Variants in NECAB2 observed in about 807,000 individuals in gnomAD.
NECAB2 encodes N-terminal EF-hand calcium binding protein 2, also known as N-terminal EF-hand calcium-binding protein 2.
In NECAB2, 68 loss-of-function variants were observed where a neutral mutation model predicts 51.9. That is an observed-to-expected ratio of 1.31 (90% CI 1.08 to 1.60). The LOEUF (loss-of-function observed/expected upper bound fraction) is 1.60. NECAB2 is among the 40% of genes most tolerant of loss of function. The pLI, the probability that NECAB2 is intolerant of heterozygous loss-of-function variation, is 0.00. For missense variants in NECAB2, 854 were observed against 490.3 expected (o/e 1.74, Z -7.00); for synonymous variants, 329 against 203.5 (o/e 1.62, Z -5.25).
intron 2 of NECAB2, among the ~76,000 whole-genome samples, chr16:83,977,579 C>G (rs984992323): frequency 3.9e-5 from 6 of 152,052 alleles, no homozygotes; most frequent in African/African-American, 1.4e-4. Flanking sequence ...CTCCACAGAG[C>G]CCCTCCACAG....
chr16:83,970,807 G>C (rs1409237444), intron 1 of NECAB2, among the ~76,000 whole-genome samples: 1 of 152,182 alleles, frequency 6.6e-6, no homozygotes, highest in Non-Finnish European at 1.5e-5. Context: ...TTAAAGTGCT[G>C]GTGGGCAGGG....
intron 9 of NECAB2, among the ~76,000 whole-genome samples, chr16:83,997,601 C>T (rs1040170769): frequency 6.7e-6 from 1 of 149,436 alleles, no homozygotes; most frequent in Non-Finnish European, 1.5e-5. Context: ...AATTCTCCTG[C>T]CTCAGCCTCC....
At chr16:83,995,435 G>A (rs1053005323) in intron 8 of NECAB2, among the ~76,000 whole-genome samples, 1 of 152,082 alleles carries the variant, frequency 6.6e-6, no homozygotes, top group Non-Finnish European at 1.5e-5. Flanking sequence ...TAGGGGTGTC[G>A]TTAGGATGAA....
chr16:83,994,824 C>T (rs771675410), intron 8 of NECAB2, 136 bp downstream of exon 8: 302 of 1,012,284 alleles, frequency 3.0e-4, no homozygotes, highest in Non-Finnish European at 3.9e-4. Flanking sequence ...CCAGGTGGGG[C>T]GTGGAGCTGC....
At position 83,997,163 on chromosome 16, in the gene NECAB2, C is replaced by G. The variant is rs368684647; in HGVS notation, c.796-53C>G. ...AGGGATCCCAGAGCTCCTGGCTCCC[C>G]GGGGCGGAGTGGGGCTCTGGGTCTA... On this transcript the variant is annotated intron_variant, in intron 8 of 12. Coordinates refer to ENST00000305202, the MANE Select transcript of NECAB2 (RefSeq NM_019065.3). The G allele has an allele frequency of 6.8e-6, 11 of 1,610,402 alleles. No homozygotes were observed. In the Middle Eastern group the frequency reaches 5.0e-4, roughly 73 times the overall value.
Position 83,978,524 on chromosome 16 carries a change from T to A in NECAB2, c.307T>A (p.Phe103Ile), listed in dbSNP as rs1296475114. The A allele has an allele frequency of 6.2e-7, 1 of 1,613,846 alleles. No homozygotes were observed. Among genetic ancestry groups the A allele is most frequent in the South Asian group, 1.1e-5 (1 of 91,054 alleles). Residue 103 changes from phenylalanine to isoleucine, a missense_variant, in exon 3 of 13, where the codon TTT becomes ATT. Physicochemically the swap from Phe to Ile is conservative, Grantham distance 21. Coordinates refer to ENST00000305202, the MANE Select transcript of NECAB2 (RefSeq NM_019065.3). ...TAATGAGAAAGAACTGGAGGATCTC[T>A]TTCACACGATTGACTCTGACAACAC... ...VLNEKELEDLFHTIDSDNTNH... is the reference protein window; with the variant it reads ...VLNEKELEDLIHTIDSDNTNH...
At chr16:83,990,704 G>T in intron 6 of NECAB2, 74 bp downstream of exon 6, 1 of 1,572,286 alleles carries the variant, frequency 6.4e-7, no homozygotes, top group East Asian at 2.3e-5. Context: ...GCTGCTTGGT[G>T]GGGATGTCTG....
intron 8 of NECAB2, among the ~76,000 whole-genome samples, chr16:83,997,010 A>T (rs949230345): frequency 6.6e-6 from 1 of 150,382 alleles, no homozygotes; most frequent in African/African-American, 2.5e-5. Flanking sequence ...TGCCTCTCCC[A>T]AGCCATCCTC....
chr16:83,976,861 A>C (rs1303609680), intron 2 of NECAB2, among the ~76,000 whole-genome samples: 2 of 152,186 alleles, frequency 1.3e-5, no homozygotes, highest in African/African-American at 4.8e-5. Context: ...TTATGCTCTC[A>C]CCCTGTGTTG....
At chr16:83,972,252 G>C in intron 2 of NECAB2, 77 bp downstream of exon 2, 1 of 1,601,740 alleles carries the variant, frequency 6.2e-7, no homozygotes, top group Non-Finnish European at 8.5e-7. Context: ...TCAGGGATAG[G>C]AGACAAGCGC....
At chr16:83,970,084 C>G (rs1192170169) in intron 1 of NECAB2, among the ~76,000 whole-genome samples, 2 of 152,222 alleles carry the variant, frequency 1.3e-5, no homozygotes, top group Non-Finnish European at 2.9e-5. Flanking sequence ...CCGCAGAGCT[C>G]CCACTGAAAG....
chr16:83,982,333 C>T lies in NECAB2; in HGVS notation c.459+1206C>T, dbSNP rs553930391. 2.6e-5 allele frequency among the ~76,000 whole-genome samples: 4 copies of T among 152,306 alleles called. No homozygotes were observed. In the South Asian group the frequency reaches 8.3e-4, roughly 32 times the overall value. ...GTCCCAGTATCATGCTGTTTTGAGT[C>T]TTGCTGTTTTAGAGTATATTTTAAT... On this transcript the variant is annotated intron_variant, in intron 5 of 12. Coordinates refer to ENST00000305202, the MANE Select transcript of NECAB2 (RefSeq NM_019065.3).
At position 83,994,684 on chromosome 16, in the gene NECAB2, G is replaced by C. The variant is rs754697756; in HGVS notation, c.791G>C (p.Ser264Thr). The change falls in exon 8 of 13, where the codon AGC becomes ACC. Residue 264 changes from serine (S) to threonine (T), a missense_variant. By Grantham distance (58) the Ser-to-Thr change is moderately conservative. Transcript: ENST00000305202. ...GCAGAGCTGATTGGGAGGCTGGAGA[G>C]CAAAGTAAGCCCTGGCCTGACCACG... ...RLAELIGRLESKALWFDLQQR... is the reference protein window; with the variant it reads ...RLAELIGRLETKALWFDLQQR... 6 of 1,614,068 alleles carry C rather than the reference G, an allele frequency of 3.7e-6. No individual in the cohort carries two copies. In the Admixed American group the frequency reaches 6.7e-5, roughly 18 times the overall value.
At chr16:84,001,291 G>C (rs1206007997) in intron 11 of NECAB2, among the ~76,000 whole-genome samples, 1 of 151,958 alleles carries the variant, frequency 6.6e-6, no homozygotes, top group Non-Finnish European at 1.5e-5. Context: ...GGAGAGGGTG[G>C]AGACTATTGC....
At chr16:83,987,915 G>T (rs2084575748) in intron 5 of NECAB2, among the ~76,000 whole-genome samples, 2 of 152,302 alleles carry the variant, frequency 1.3e-5, no homozygotes, top group Non-Finnish European at 2.9e-5. Flanking sequence ...GCTATATTCT[G>T]TGTCAGTACA....
chr16:83,972,695 G>T (rs1211785958), intron 2 of NECAB2, among the ~76,000 whole-genome samples: 1 of 152,182 alleles, frequency 6.6e-6, no homozygotes, highest in Non-Finnish European at 1.5e-5. Context: ...GGAAACGGAG[G>T]CTCTCCTGAA....
At chr16:83,973,720 A>G (rs1433523669) in intron 2 of NECAB2, among the ~76,000 whole-genome samples, 2 of 151,518 alleles carry the variant, frequency 1.3e-5, no homozygotes, top group Non-Finnish European at 2.9e-5. Flanking sequence ...CCCGGGCCTG[A>G]TACCCAGCAC....
At position 84,000,749 on chromosome 16, in the gene NECAB2, G is replaced by A. The variant is rs142462810; in HGVS notation, c.988G>A (p.Gly330Ser). ...FHITAVRLSDGFTFVIYEFWE... is the reference protein window; with the variant it reads ...FHITAVRLSDSFTFVIYEFWE... ...CATCACTGCCGTGAGGCTCTCAGAT[G>A]GCTTCACCTTTGTCATCTATGAGTT... The change falls in exon 11 of 13, where the codon GGC (glycine) becomes AGC (serine). Residue 330 changes from glycine to serine, a missense_variant. Physicochemically the swap from Gly to Ser is moderately conservative, Grantham distance 56. Coordinates refer to ENST00000305202, the MANE Select transcript of NECAB2 (RefSeq NM_019065.3). 6.8e-6 allele frequency: 11 copies of A among 1,613,786 alleles called. No individual in the cohort carries two copies. Among genetic ancestry groups the A allele is most frequent in the African/African-American group, 4.0e-5 (3 of 74,912 alleles).
At chr16:83,982,610 C>T (rs2084502455) in intron 5 of NECAB2, among the ~76,000 whole-genome samples, 1 of 152,146 alleles carries the variant, frequency 6.6e-6, no homozygotes, top group Non-Finnish European at 1.5e-5. Context: ...AGAAGGGGCC[C>T]ACGTCCTAGC....
Sources: gnomAD v4.1 joint callset for allele counts (sites outside exome capture counted in the v4.1 genomes callset) on GRCh38, gnomAD v4.1.1 for gene constraint, MANE v1.5 for transcripts, NCBI Gene and HGNC (gene_info 2026-07-23, HGNC 2026-07-21) for gene names.